Variants in ARID1B observed in about 807,000 individuals in gnomAD.
The protein encoded by ARID1B is AT-rich interactive domain-containing protein 1B.
ARID1B carries 30 observed loss-of-function variants against 212.3 expected under a neutral mutation model. The ratio of observed to expected loss-of-function variants is 0.14; its 90% confidence interval spans 0.11 to 0.19. The LOEUF (loss-of-function observed/expected upper bound fraction) is 0.19, where lower values mean the gene tolerates loss of function less well. ARID1B is among the 10% of genes least tolerant of loss of function. The pLI is 1.00. For missense variants in ARID1B, 2,891 were observed against 3,204.0 expected, an observed-to-expected ratio of 0.90 and a Z score of 2.36; for synonymous variants, 1,402 against 1,301.7, an observed-to-expected ratio of 1.08 and a Z score of -1.66.
intron 2 of ARID1B, chr6:156,870,093 G>A (rs1191164200): frequency 6.6e-6 from 1 of 152,260 alleles, no homozygotes; most frequent in Non-Finnish European, 1.5e-5. Context: ...GGTCCGGTTT[G>A]TTCAGGACTT....
Position 157,110,379 on chromosome 6 carries a change from A to G in ARID1B, c.2492-93A>G. The G allele has an allele frequency of 4.5e-6, 5 of 1,100,982 alleles. 1 individual carries two copies. In the South Asian group the frequency reaches 6.5e-5, roughly 14 times the overall value. 68.2% of individuals were successfully genotyped at this position (1,100,982 alleles called of 1,614,324 possible). A position where few individuals can be genotyped will look rare whatever the true frequency, so the allele number is the denominator to read the frequency against. ...ATGGGGCTATACCTTTTGTGATCAT[A>G]AAAATTAAATGTGGCTGTGTCTTGG... is the stretch of plus-strand genomic sequence containing the variant. On this transcript the variant is annotated intron_variant, in intron 5 of 19. Coordinates refer to ENST00000636930, the MANE Select transcript of ARID1B (RefSeq NM_001374828.1).
At chr6:157,031,285 A>G (rs750501435) in intron 4 of ARID1B, among the ~76,000 whole-genome samples, 5 of 152,234 alleles carry the variant, frequency 3.3e-5, no homozygotes, top group Admixed American at 6.5e-5. Flanking sequence ...AGGTAAAAGT[A>G]TGATTAATGG....
chr6:157,113,040 G>A (rs1395701828), intron 6 of ARID1B, among the ~76,000 whole-genome samples: 1 of 151,662 alleles, frequency 6.6e-6, no homozygotes, highest in African/African-American at 2.4e-5. Flanking sequence ...TTCTGCCTCA[G>A]CCTCCCAAGT....
At chr6:157,109,740 A>C (rs540361448) in intron 5 of ARID1B, among the ~76,000 whole-genome samples, 4 of 152,270 alleles carry the variant, frequency 2.6e-5, no homozygotes, top group Non-Finnish European at 5.9e-5. Context: ...ATATTCTCAG[A>C]TTATGACTTA....
intron 4 of ARID1B, among the ~76,000 whole-genome samples, chr6:157,053,166 A>G (rs1311145985): frequency 6.6e-6 from 1 of 151,620 alleles, no homozygotes; most frequent in East Asian, 1.9e-4. Flanking sequence ...GCTCACTGCA[A>G]CCTCTGCCTC....
intron 8 of ARID1B, among the ~76,000 whole-genome samples, chr6:157,165,173 G>A (rs1012444049): frequency 3.9e-5 from 6 of 152,224 alleles, no homozygotes; most frequent in African/African-American, 1.4e-4. Context: ...AGTATGTGAT[G>A]ACCTAGAGGT....
At chr6:157,119,865 T>C (rs1787583189) in intron 6 of ARID1B, among the ~76,000 whole-genome samples, 1 of 152,222 alleles carries the variant, frequency 6.6e-6, no homozygotes, top group Admixed American at 6.5e-5. Context: ...TACCTGCTGC[T>C]TCTCATTTTA....
chr6:156,812,936 GTGT>G (rs1562403911), intron 1 of ARID1B, among the ~76,000 whole-genome samples: 200 of 34,336 alleles, frequency 5.8e-3, no homozygotes, highest in African/African-American at 0.031. Context: ...AATCCTGGGT[GTGT>G]GTGTGTGTGT....
intron 4 of ARID1B, among the ~76,000 whole-genome samples, chr6:156,956,797 G>T (rs1027860817): frequency 6.6e-6 from 1 of 152,178 alleles, no homozygotes; most frequent in African/African-American, 2.4e-5. Context: ...GTGTTGTCCA[G>T]TATGTCAGCC....
intron 6 of ARID1B, among the ~76,000 whole-genome samples, chr6:157,127,526 C>T (rs1178854969): frequency 6.6e-6 from 1 of 151,580 alleles, no homozygotes; most frequent in Non-Finnish European, 1.5e-5. Flanking sequence ...AATCCCAGCA[C>T]TTTGGGAGGC....
intron 4 of ARID1B, among the ~76,000 whole-genome samples, chr6:157,080,179 A>G (rs1784556585): frequency 6.6e-6 from 1 of 152,200 alleles, no homozygotes; most frequent in Non-Finnish European, 1.5e-5. Context: ...GCAGCTTTCT[A>G]TGAGCGGCTG....
At chr6:156,918,413 A>C (rs1032565065) in intron 3 of ARID1B, among the ~76,000 whole-genome samples, 1 of 152,230 alleles carries the variant, frequency 6.6e-6, no homozygotes, top group Non-Finnish European at 1.5e-5. Context: ...TTATTATAAG[A>C]GCAAAAAAAC....
At chr6:157,163,885 G>T (rs1315690514) in intron 8 of ARID1B, among the ~76,000 whole-genome samples, 2 of 152,256 alleles carry the variant, frequency 1.3e-5, no homozygotes, top group African/African-American at 4.8e-5. Flanking sequence ...AGAAAGAAGT[G>T]TAGTATACCG....
chr6:156,980,963 G>T (rs1373861767), intron 4 of ARID1B, among the ~76,000 whole-genome samples: 1 of 152,214 alleles, frequency 6.6e-6, no homozygotes, highest in African/African-American at 2.4e-5. Context: ...AATCTAGTTA[G>T]TGTTTATTTT....
chr6:157,010,004 C>G (rs2128451034), intron 4 of ARID1B, among the ~76,000 whole-genome samples: 1 of 152,298 alleles, frequency 6.6e-6, no homozygotes, highest in African/African-American at 2.4e-5. Context: ...TTTAGTAGCT[C>G]TTACCCCTTC....
At chr6:157,081,873 T>C (rs1208532702) in intron 4 of ARID1B, among the ~76,000 whole-genome samples, 2 of 152,352 alleles carry the variant, frequency 1.3e-5, no homozygotes, top group East Asian at 3.9e-4. Flanking sequence ...TGATTTGTCC[T>C]TTCTACGTTT....
At chr6:157,088,804 T>C (rs941785182) in intron 5 of ARID1B, among the ~76,000 whole-genome samples, 1 of 152,222 alleles carries the variant, frequency 6.6e-6, no homozygotes, top group Non-Finnish European at 1.5e-5. Flanking sequence ...CCCAAGTTCA[T>C]ATGCAGTCCA....
intron 2 of ARID1B, among the ~76,000 whole-genome samples, chr6:156,862,525 T>C (rs1302132963): frequency 6.6e-6 from 1 of 152,148 alleles, no homozygotes; most frequent in Non-Finnish European, 1.5e-5. Flanking sequence ...TGTCATAAAA[T>C]GGATGGATGT....
At chr6:156,965,067 A>C (rs1794649590) in intron 4 of ARID1B, among the ~76,000 whole-genome samples, 1 of 152,252 alleles carries the variant, frequency 6.6e-6, no homozygotes, top group Non-Finnish European at 1.5e-5. Flanking sequence ...ACAGCTACAT[A>C]AGTATTCTCT....
Sources: gnomAD v4.1 joint callset for allele counts (sites outside exome capture counted in the v4.1 genomes callset) on GRCh38, gnomAD v4.1.1 for gene constraint, MANE v1.5 for transcripts, NCBI Gene and HGNC (gene_info 2026-07-23, HGNC 2026-07-21) for gene names.